Variants in LAMC2 observed in about 807,000 individuals in gnomAD.
LAMC2 encodes laminin subunit gamma 2.
LAMC2 carries 97 observed loss-of-function variants against 140.2 expected under a neutral mutation model. The ratio of observed to expected loss-of-function variants is 0.69; its 90% CI spans 0.59 to 0.82. The LOEUF (loss-of-function observed/expected upper bound fraction) is 0.82, where lower values mean the gene tolerates loss of function less well. LAMC2 is among the 40% of genes least tolerant of loss of function. LAMC2 has a pLI of 0.00. For missense variants in LAMC2, 1,402 were observed against 1,476.1 expected, an observed-to-expected ratio of 0.95 and a Z score of 0.82; for synonymous variants, 513 against 540.2, an observed-to-expected ratio of 0.95 and a Z score of 0.70.
At chr1:183,187,355 G>A (rs543065313) in intron 1 of LAMC2, among the ~76,000 whole-genome samples, 1 of 152,274 alleles carries the variant, frequency 6.6e-6, no homozygotes, top group Admixed American at 6.5e-5. Context: ...GGTGATGCTG[G>A]CCTGAATTGG....
At chr1:183,219,130 A>G (rs1659384692) in intron 4 of LAMC2, among the ~76,000 whole-genome samples, 1 of 152,162 alleles carries the variant, frequency 6.6e-6, no homozygotes, top group South Asian at 2.1e-4. Context: ...CTTCCCTCCC[A>G]GAGGCTGTTG....
At chr1:183,240,445 C>T in intron 22 of LAMC2, 54 bp downstream of exon 22, 1 of 1,608,118 alleles carries the variant, frequency 6.2e-7, no homozygotes. Flanking sequence ...GGGCTTTGCT[C>T]CAGAACACTC....
chr1:183,227,525 T>A lies in LAMC2; in HGVS notation c.1296T>A (p.Tyr432Ter). The change falls in exon 10 of 23, where the codon TAT becomes TAA. Residue 432 changes from tyrosine (Y) to a stop codon, truncating the protein, a stop_gained. Transcript: ENST00000264144. LOFTEE classifies it high-confidence loss of function. ...TTCTCCTACCCCCAGGAGATTGTTA[T>A]TCAGGGGATGAGAATCCTGACATTG... ...GACDPDTGDC[Y>*]SGDENPDIEC... is the part of the protein sequence containing the mutation. The A allele has an allele frequency of 1.2e-6, 2 of 1,614,098 alleles. No homozygotes were observed. Among genetic ancestry groups the A allele is most frequent in the Non-Finnish European group, 1.7e-6 (2 of 1,179,956 alleles).
intron 18 of LAMC2, 71 bp downstream of exon 18, chr1:183,237,575 G>A: frequency 2.9e-6 from 4 of 1,391,404 alleles, no homozygotes; most frequent in South Asian, 2.4e-5. Context: ...AATATGGCAA[G>A]AAGAATAATC....
intron 1 of LAMC2, among the ~76,000 whole-genome samples, chr1:183,202,261 A>G (rs1463313114): frequency 6.6e-6 from 1 of 151,894 alleles, no homozygotes; most frequent in Non-Finnish European, 1.5e-5. Flanking sequence ...CACACAAAAA[A>G]ATTAGCAAAC....
chr1:183,231,801 T>C (rs1230527384), intron 12 of LAMC2, among the ~76,000 whole-genome samples: 1 of 152,216 alleles, frequency 6.6e-6, no homozygotes, highest in Non-Finnish European at 1.5e-5. Context: ...TTAACAAGCC[T>C]TTTACGCACT....
chr1:183,254,188 A>G, the LAMC2 span, among the ~76,000 whole-genome samples: 1 of 152,136 alleles, frequency 6.6e-6, no homozygotes, highest in African/African-American at 2.4e-5. Flanking sequence ...GGTTGTACCA[A>G]TCTACATTCC....
At chr1:183,192,829 C>T (rs1367424961) in intron 1 of LAMC2, among the ~76,000 whole-genome samples, 7 of 152,178 alleles carry the variant, frequency 4.6e-5, no homozygotes, top group Non-Finnish European at 7.3e-5. Flanking sequence ...GTCAGCTTCC[C>T]GGGTAGCTGG....
chr1:183,246,234 A>T (rs1660240630), downstream of LAMC2, among the ~76,000 whole-genome samples: 1 of 151,440 alleles, frequency 6.6e-6, no homozygotes, highest in African/African-American at 2.4e-5. Context: ...ATACCTGAGG[A>T]GAGATGGGGA....
intron 1 of LAMC2, among the ~76,000 whole-genome samples, chr1:183,196,810 T>C (rs1357933342): frequency 6.6e-6 from 1 of 152,230 alleles, no homozygotes; most frequent in Non-Finnish European, 1.5e-5. Flanking sequence ...AATTTGTGTC[T>C]GCCCACCATG....
intron 6 of LAMC2, 74 bp downstream of exon 6, chr1:183,222,285 G>T: frequency 6.6e-7 from 1 of 1,516,472 alleles, no homozygotes; most frequent in East Asian, 2.3e-5. Flanking sequence ...AATTGAGTTA[G>T]AAATTGTGGA....
At position 183,234,465 on chromosome 1, in the gene LAMC2, C is replaced by A; in HGVS notation, c.2300+19C>A. 1.3e-6 allele frequency: 2 copies of A among 1,595,238 alleles called. No individual in the cohort carries two copies. Among genetic ancestry groups the A allele is most frequent in the Non-Finnish European group, 1.7e-6 (2 of 1,162,880 alleles). On this transcript the variant is annotated intron_variant, in intron 15 of 22. Coordinates refer to ENST00000264144, the MANE Select transcript of LAMC2 (RefSeq NM_005562.3). ...CAGAAAGGTGAGCAGCATTAGAGGG[C>A]ACCTCTGCTTCAAGCCGTCTCTGCA...
chr1:183,254,364 T>C, the LAMC2 span, among the ~76,000 whole-genome samples: 4 of 152,208 alleles, frequency 2.6e-5, no homozygotes, highest in Non-Finnish European at 5.9e-5. Flanking sequence ...TTTATGCACC[T>C]GTTAGCAATT....
At chr1:183,226,608 A>G in intron 8 of LAMC2, 90 bp from the exon 9 acceptor site, 1 of 1,108,672 alleles carries the variant, frequency 9.0e-7, no homozygotes, top group Non-Finnish European at 1.4e-6. Context: ...TTTGTTAGGG[A>G]GTTAAGAAAA....
Position 183,207,937 on chromosome 1 carries a change from C to G in LAMC2, c.136C>G (p.Gln46Glu). 2 of 1,612,770 alleles carry G rather than the reference C, an allele frequency of 1.2e-6. No individual in the cohort carries two copies. Among genetic ancestry groups the G allele is most frequent in the African/African-American group, 2.7e-5 (2 of 74,516 alleles). ...TATCTTTGATCGGGAACTTCACAGA[C>G]AAACTGGTAATGGATTCCGCTGCCT... ...QCIFDRELHR[Q>E]TGNGFRCLNC... is the part of the protein sequence containing the mutation. The change falls in exon 2 of 23, where the codon CAA (glutamine) becomes GAA (glutamate). Residue 46 changes from glutamine to glutamate, a missense_variant. Transcript: ENST00000264144.
At chr1:183,201,217 G>A (rs191519035) in intron 1 of LAMC2, among the ~76,000 whole-genome samples, 45 of 152,330 alleles carry the variant, frequency 3.0e-4, no homozygotes, top group Non-Finnish European at 7.3e-5. Context: ...CCAGAGTTCA[G>A]TGAAAGATGG....
chr1:183,202,219 A>G (rs1052884041), intron 1 of LAMC2, among the ~76,000 whole-genome samples: 4 of 149,922 alleles, frequency 2.7e-5, no homozygotes, highest in Non-Finnish European at 5.9e-5. Context: ...AACAACAACA[A>G]CAACAAAAAA....
chr1:183,217,173 A>G (rs1659295904), intron 3 of LAMC2, among the ~76,000 whole-genome samples: 1 of 152,196 alleles, frequency 6.6e-6, no homozygotes, highest in South Asian at 2.1e-4. Context: ...GGGTGGGATC[A>G]TAGGGCAGGC....
chr1:183,186,407 G>T lies in LAMC2; in HGVS notation c.55G>T (p.Ala19Ser), dbSNP rs367773500. ...CTGCTTCTCGCTCCTCCTGCCCGCA[G>T]CCCGGGCCACCTCCAGGAGGGAAGG... Reference protein sequence around the residue: ...CLCFSLLLPAARATSRREVCD... With the variant: ...CLCFSLLLPASRATSRREVCD... The change falls in exon 1 of 23, where the codon GCC (alanine) becomes TCC (serine). Residue 19 changes from alanine to serine, a missense_variant. Transcript: ENST00000264144. The T allele has an allele frequency of 5.0e-6, 8 of 1,605,350 alleles. No homozygotes were observed. In the African/African-American group the frequency reaches 9.3e-5, roughly 19 times the overall value.
Sources: gnomAD v4.1 joint callset for allele counts (sites outside exome capture counted in the v4.1 genomes callset) on GRCh38, gnomAD v4.1.1 for gene constraint, MANE v1.5 for transcripts, NCBI Gene and HGNC (gene_info 2026-07-23, HGNC 2026-07-21) for gene names.